FBN1: variants seen among roughly 807,000 people sequenced by gnomAD.
FBN1 encodes the protein fibrillin-1.
In FBN1, 29 loss-of-function variants were observed where a neutral mutation model predicts 365.1. The observed-to-expected ratio is 0.08, with a 90% CI of 0.06 to 0.11. The LOEUF (loss-of-function observed/expected upper bound fraction) is 0.11, where lower values mean the gene tolerates loss of function less well. Among genes scored for constraint, FBN1 ranks in the 10% least tolerant of loss-of-function variants. The pLI is 1.00. For synonymous variants in FBN1, 1,210 were observed against 1,270.5 expected (o/e 0.95, Z 1.01); for missense variants, 2,476 against 3,703.2 (o/e 0.67, Z 8.60).
chr15:48,593,367 CATG>C (rs2044492623), intron 6 of FBN1, among the ~76,000 whole-genome samples: 1 of 152,198 alleles, frequency 6.6e-6, no homozygotes. Flanking sequence ...TGTATTATAT[CATG>C]ATAAGAGGTT....
chr15:48,504,722 C>T (rs1212406256), intron 16 of FBN1, among the ~76,000 whole-genome samples: 1 of 152,122 alleles, frequency 6.6e-6, no homozygotes, highest in Non-Finnish European at 1.5e-5. Flanking sequence ...AGCATATGCA[C>T]ATCAATTTCA....
chr15:48,501,653 C>G (rs2043659270), intron 17 of FBN1, among the ~76,000 whole-genome samples: 1 of 152,112 alleles, frequency 6.6e-6, no homozygotes, highest in Non-Finnish European at 1.5e-5. Flanking sequence ...GAGGAAAATA[C>G]AAAGGCAAAT....
intron 6 of FBN1, among the ~76,000 whole-genome samples, chr15:48,579,871 T>G (rs2044377905): frequency 6.6e-6 from 1 of 152,172 alleles, no homozygotes; most frequent in Non-Finnish European, 1.5e-5. Flanking sequence ...CCAATACGAC[T>G]AAAAGAATTG....
At chr15:48,440,010 C>T (rs779079415) in intron 50 of FBN1, among the ~76,000 whole-genome samples, 1 of 152,118 alleles carries the variant, frequency 6.6e-6, no homozygotes, top group Non-Finnish European at 1.5e-5. Context: ...CAAGAAAAAC[C>T]CAGCTCTCAA....
chr15:48,635,662 A>T (rs988032126), intron 2 of FBN1, among the ~76,000 whole-genome samples: 1 of 152,222 alleles, frequency 6.6e-6, no homozygotes, highest in African/African-American at 2.4e-5. Flanking sequence ...TTGCCCATTA[A>T]ATTTATTTCA....
At chr15:48,577,451 T>C (rs1347734822) in intron 6 of FBN1, among the ~76,000 whole-genome samples, 1 of 152,180 alleles carries the variant, frequency 6.6e-6, no homozygotes, top group Non-Finnish European at 1.5e-5. Flanking sequence ...AAAAAGTATT[T>C]CAGGTTTATA....
intron 7 of FBN1, among the ~76,000 whole-genome samples, chr15:48,536,135 C>T (rs1446795122): frequency 1.3e-5 from 2 of 152,194 alleles, no homozygotes; most frequent in Non-Finnish European, 2.9e-5. Flanking sequence ...ACAACAACAA[C>T]AACAACAACC....
chr15:48,556,774 C>T (rs776504374), intron 6 of FBN1, among the ~76,000 whole-genome samples: 7 of 152,254 alleles, frequency 4.6e-5, no homozygotes, highest in African/African-American at 7.2e-5. Flanking sequence ...AATCCCCTCA[C>T]GTGTCAAGCG....
chr15:48,564,969 T>C (rs1403696228), intron 6 of FBN1, among the ~76,000 whole-genome samples: 2 of 152,214 alleles, frequency 1.3e-5, no homozygotes, highest in African/African-American at 4.8e-5. Context: ...ATGTACCAAG[T>C]ATTAGACCAA....
At chr15:48,534,593 A>C (rs1339108834) in intron 7 of FBN1, among the ~76,000 whole-genome samples, 1 of 152,228 alleles carries the variant, frequency 6.6e-6, no homozygotes, top group Non-Finnish European at 1.5e-5. Flanking sequence ...TTATTCAAAA[A>C]ATCTTGCAAA....
Position 48,537,800 on chromosome 15 carries a change from T to C in FBN1, c.547A>G (p.Thr183Ala). 6.2e-7 allele frequency: 1 copy of C among 1,614,096 alleles called. No individual in the cohort carries two copies. Among genetic ancestry groups the C allele is most frequent in the East Asian group, 2.2e-5 (1 of 44,888 alleles). The change falls in exon 7 of 66, where the codon ACA (threonine) becomes GCA (alanine). Residue 183 changes from threonine to alanine, a missense_variant. By Grantham distance (58) the Thr-to-Ala change is moderately conservative (BLOSUM62 0). Around this residue, in one of 5 missense-constraint regions of FBN1, gnomAD observed 421 missense variants for 520.1 expected, o/e 0.81. Coordinates refer to ENST00000316623, the MANE Select transcript of FBN1 (RefSeq NM_000138.5). Reference sequence around the variant, plus strand: ...CTGATCACAGTAAAACATGGGCCTGTCCTGTAATCTGAAAATAAAGAATAA... The same window carrying C: ...CTGATCACAGTAAAACATGGGCCTGCCCTGTAATCTGAAAATAAAGAATAA... Reference protein sequence around the residue: ...TGPQCERDYRTGPCFTVISNQ... With the variant: ...TGPQCERDYRAGPCFTVISNQ...
At position 48,410,769 on chromosome 15, in the gene FBN1, G is replaced by A. The variant is rs2042854140; in HGVS notation, c.*221C>T. On this transcript the variant is annotated 3_prime_UTR_variant, in exon 66 of 66. Transcript: ENST00000316623. ...TTTCAAGAATCAACACATATGACAA[G>A]GTAGCTTAGCTACACACATGAGAAG... 1.8e-6 allele frequency: 1 copy of A among 542,522 alleles called. No individual in the cohort carries two copies. Among genetic ancestry groups the A allele is most frequent in the South Asian group, 2.4e-5 (1 of 41,044 alleles). The allele number at this position is 542,522 out of a possible 1,614,324, so 33.6% of individuals were successfully genotyped here. A position where few individuals can be genotyped will look rare whatever the true frequency, so the allele number is the denominator to read the frequency against.
chr15:48,612,889 G>A (rs2044667680), intron 3 of FBN1, 121 bp downstream of exon 3: 1 of 800,754 alleles, frequency 1.2e-6, no homozygotes, highest in Middle Eastern at 2.2e-4. Flanking sequence ...TCTTAAAGCT[G>A]GAAGGCTGTA....
chr15:48,595,283 T>G (rs2044507837), intron 6 of FBN1, among the ~76,000 whole-genome samples: 1 of 152,256 alleles, frequency 6.6e-6, no homozygotes, highest in South Asian at 2.1e-4. Context: ...AATGACATAT[T>G]CAACATCTGC....
Position 48,410,850 on chromosome 15 carries a change from T to C in FBN1, c.*140A>G, listed in dbSNP as rs767810836. On this transcript the variant is annotated 3_prime_UTR_variant, in exon 66 of 66. Transcript: ENST00000316623. ...AGTCACCTGTACCTTGCTTTGGTAA[T>C]ACAAAGAATAGTGCTTATTTATACA... 6 of 868,710 alleles carry C rather than the reference T, an allele frequency of 6.9e-6. No homozygotes were observed. Among genetic ancestry groups the C allele is most frequent in the Non-Finnish European group, 1.1e-5 (6 of 570,878 alleles). The allele number at this position is 868,710 out of a possible 1,614,324, so 53.8% of individuals were successfully genotyped here. A position where few individuals can be genotyped will look rare whatever the true frequency, so the allele number is the denominator to read the frequency against.
At chr15:48,495,448 C>T (rs763807266) in intron 21 of FBN1, 21 bp downstream of exon 21, 4 of 1,611,756 alleles carry the variant, frequency 2.5e-6, no homozygotes, top group Non-Finnish European at 3.4e-6. Flanking sequence ...ATAGAAAAAT[C>T]ATTCTCAGAA....
At chr15:48,509,037 G>A (rs912389551) in intron 14 of FBN1, among the ~76,000 whole-genome samples, 2 of 152,118 alleles carry the variant, frequency 1.3e-5, no homozygotes, top group African/African-American at 4.8e-5. Flanking sequence ...ATAGCCTAGT[G>A]GGTATATTTA....
intron 9 of FBN1, among the ~76,000 whole-genome samples, chr15:48,521,272 T>C (rs2043852806): frequency 6.6e-6 from 1 of 152,238 alleles, no homozygotes; most frequent in South Asian, 2.1e-4. Context: ...TTCTAAAAGA[T>C]CTTTCTTATT....
intron 6 of FBN1, among the ~76,000 whole-genome samples, chr15:48,568,947 A>T (rs2044282997): frequency 6.6e-6 from 1 of 152,082 alleles, no homozygotes; most frequent in East Asian, 1.9e-4. Context: ...TTCTTAGATA[A>T]AATATCAGAA....
Sources: allele counts gnomAD v4.1 joint callset (sites outside exome capture counted in the v4.1 genomes callset), GRCh38; gene constraint gnomAD v4.1.1; regional missense constraint gnomAD v4.1.1; transcripts MANE v1.5; gene names NCBI Gene and HGNC (gene_info 2026-07-23, HGNC 2026-07-21).